The following GPATCH2 variants were observed in gnomAD, a reference collection of about 807,000 sequenced individuals.
GPATCH2 encodes G patch domain-containing protein 2.
Under a neutral mutation model 58.0 loss-of-function variants are expected in GPATCH2, and 51 were observed. The ratio of observed to expected loss-of-function variants is 0.88; its 90% CI spans 0.70 to 1.11. The LOEUF (loss-of-function observed/expected upper bound fraction) is 1.11. Among genes scored for constraint, GPATCH2 ranks in the 50% most tolerant of loss-of-function variants. The pLI, the probability that GPATCH2 is intolerant of heterozygous loss-of-function variation, is 0.00. For missense variants in GPATCH2, 625 were observed against 652.2 expected, an observed-to-expected ratio of 0.96 and a Z score of 0.45; for synonymous variants, 222 against 218.5, an observed-to-expected ratio of 1.02 and a Z score of -0.14.
chr1:217,547,591 T>A (rs1665128026), intron 5 of GPATCH2, among the ~76,000 whole-genome samples: 1 of 152,200 alleles, frequency 6.6e-6, no homozygotes, highest in East Asian at 1.9e-4. Context: ...ACTGCAGCAC[T>A]ATTCACAATA....
intron 8 of GPATCH2, among the ~76,000 whole-genome samples, chr1:217,467,698 TA>T (rs56265721): frequency 2.0e-4 from 29 of 148,136 alleles, no homozygotes; most frequent in Middle Eastern, 3.4e-3. Flanking sequence ...GATTTTTCTT[TA>T]AAAAAAAAAA....
intron 9 of GPATCH2, among the ~76,000 whole-genome samples, chr1:217,448,955 C>A (rs1013765314): frequency 6.6e-6 from 1 of 152,128 alleles, no homozygotes; most frequent in Non-Finnish European, 1.5e-5. Flanking sequence ...ATTTTCCCAA[C>A]AAGACTGTAA....
At chr1:217,621,248 T>C (rs1469881872) in intron 1 of GPATCH2, among the ~76,000 whole-genome samples, 2 of 152,240 alleles carry the variant, frequency 1.3e-5, no homozygotes, top group Non-Finnish European at 1.5e-5. Flanking sequence ...TGGGAATTTT[T>C]ATAAATTATA....
chr1:217,554,409 G>A (rs1665519524), intron 5 of GPATCH2, among the ~76,000 whole-genome samples: 1 of 152,148 alleles, frequency 6.6e-6, no homozygotes, highest in South Asian at 2.1e-4. Flanking sequence ...CATCTCTTGA[G>A]ATCACATTAA....
intron 5 of GPATCH2, among the ~76,000 whole-genome samples, chr1:217,599,473 G>A (rs1408711670): frequency 6.6e-6 from 1 of 152,220 alleles, no homozygotes; most frequent in Non-Finnish European, 1.5e-5. Flanking sequence ...GATGTGGCAA[G>A]AGTGGAGGCA....
intron 5 of GPATCH2, among the ~76,000 whole-genome samples, chr1:217,560,862 A>T (rs1042935591): frequency 6.6e-6 from 1 of 152,204 alleles, no homozygotes; most frequent in Non-Finnish European, 1.5e-5. Context: ...CTAATCAGTT[A>T]AAGTTTTCAT....
intron 5 of GPATCH2, among the ~76,000 whole-genome samples, chr1:217,545,943 T>G (rs896971553): frequency 1.3e-5 from 2 of 152,212 alleles, no homozygotes; most frequent in Non-Finnish European, 2.9e-5. Flanking sequence ...CTGGGTAAAG[T>G]GTTAGACAAT....
intron 6 of GPATCH2, among the ~76,000 whole-genome samples, chr1:217,500,370 T>C (rs1281113765): frequency 6.6e-6 from 1 of 152,018 alleles, no homozygotes; most frequent in East Asian, 1.9e-4. Flanking sequence ...AGATCTGTCC[T>C]GGAACTTCCT....
chr1:217,552,002 A>G (rs1022349485), intron 5 of GPATCH2, among the ~76,000 whole-genome samples: 1 of 152,160 alleles, frequency 6.6e-6, no homozygotes, highest in Non-Finnish European at 1.5e-5. Flanking sequence ...ATAATTTTTT[A>G]AATTCTTAAT....
At chr1:217,579,495 G>T (rs943521027) in intron 5 of GPATCH2, among the ~76,000 whole-genome samples, 1 of 152,020 alleles carries the variant, frequency 6.6e-6, no homozygotes, top group African/African-American at 2.4e-5. Context: ...CATTCAGAAT[G>T]AAAGATATAT....
chr1:217,609,883 T>TA lies in GPATCH2; in HGVS notation c.1098+437dup, dbSNP rs909305071. 9.1e-3 allele frequency: 8,293 copies of TA among 906,920 alleles called. 1 individual carries two copies. The highest frequency in any genetic ancestry group is 0.019 in the East Asian group (276 of 14,888). The allele number at this position is 906,920 out of a possible 1,614,324, so 56.2% of individuals were successfully genotyped here. A position where few individuals can be genotyped will look rare whatever the true frequency, so the allele number is the denominator to read the frequency against. On this transcript the variant is annotated intron_variant, in intron 5 of 9. Transcript: ENST00000366935. ...CAAGTATACATAAATGGATTCAATG[T>TA]AAAAAAAAAACCATAAAAGAGAAAA...
chr1:217,530,096 A>G (rs1664115464), intron 5 of GPATCH2, among the ~76,000 whole-genome samples: 1 of 152,264 alleles, frequency 6.6e-6, no homozygotes, highest in African/African-American at 2.4e-5. Flanking sequence ...ATGGAGTCCT[A>G]GCAGTAATTC....
intron 6 of GPATCH2, among the ~76,000 whole-genome samples, chr1:217,509,298 G>C (rs1029390530): frequency 2.6e-5 from 4 of 152,012 alleles, no homozygotes; most frequent in Admixed American, 6.5e-5. Context: ...CCAAGATCGC[G>C]CCACTGCACT....
chr1:217,514,956 T>C (rs1452629374), intron 5 of GPATCH2, 67 bp from the exon 6 acceptor site: 7 of 751,834 alleles, frequency 9.3e-6, no homozygotes, highest in Non-Finnish European at 9.6e-6. Flanking sequence ...TGGATAATAG[T>C]GATATATCAA....
At chr1:217,470,554 C>A (rs1660680494) in intron 8 of GPATCH2, among the ~76,000 whole-genome samples, 1 of 152,046 alleles carries the variant, frequency 6.6e-6, no homozygotes. Context: ...AATTTTATTT[C>A]ATATAATGAC....
intron 9 of GPATCH2, among the ~76,000 whole-genome samples, chr1:217,436,328 A>T (rs138618602): frequency 4.1e-4 from 62 of 152,316 alleles, no homozygotes; most frequent in Middle Eastern, 3.4e-3. Context: ...TATATTTGTT[A>T]GGTATCTGAC....
intron 9 of GPATCH2, 136 bp from the exon 10 acceptor site, chr1:217,431,501 C>T (rs1205188841): frequency 1.6e-6 from 1 of 622,010 alleles, no homozygotes. Context: ...GCGTATTCAT[C>T]TTTGGATACT....
chr1:217,491,557 A>G, intron 8 of GPATCH2, 123 bp downstream of exon 8: 1 of 463,718 alleles, frequency 2.2e-6, no homozygotes. Flanking sequence ...CCAATAAACA[A>G]TACATAAAAT....
At chr1:217,565,909 C>T (rs1666205407) in intron 5 of GPATCH2, among the ~76,000 whole-genome samples, 1 of 151,930 alleles carries the variant, frequency 6.6e-6, no homozygotes, top group Admixed American at 6.6e-5. Context: ...CGAGACCAGC[C>T]TGACCAAAAT....
Sources: allele counts gnomAD v4.1 joint callset (sites outside exome capture counted in the v4.1 genomes callset), GRCh38; gene constraint gnomAD v4.1.1; transcripts MANE v1.5; gene names NCBI Gene and HGNC (gene_info 2026-07-23, HGNC 2026-07-21).